Variants in GALNT13 observed in about 807,000 individuals in gnomAD.
GALNT13 encodes UDP-GalNAc:polypeptide N-acetylgalactosaminyltransferase 13.
A neutral mutation model predicts 64.2 loss-of-function variants in GALNT13; 28 were observed. That is an observed-to-expected ratio of 0.44 (90% CI 0.32 to 0.60). The LOEUF (loss-of-function observed/expected upper bound fraction) is 0.60, where lower values mean the gene tolerates loss of function less well. GALNT13 is among the 20% of genes least tolerant of loss of function. The pLI, the probability that GALNT13 is intolerant of heterozygous loss-of-function variation, is 0.05. For missense variants in GALNT13, 577 were observed against 669.8 expected (o/e 0.86, Z 1.53); for synonymous variants, 214 against 224.6 (o/e 0.95, Z 0.42).
At chr2:154,223,304 T>C (rs1302570389) in intron 4 of GALNT13, among the ~76,000 whole-genome samples, 5 of 152,106 alleles carry the variant, frequency 3.3e-5, no homozygotes, top group Non-Finnish European at 7.4e-5. Context: ...ATGTAAGAGA[T>C]AGCAGTAACA....
At chr2:153,438,087 C>T in the GALNT13 span, among the ~76,000 whole-genome samples, 853 of 152,210 alleles carry the variant, frequency 5.6e-3, 4 homozygotes, top group Middle Eastern at 0.027. Context: ...ACTTATGAAG[C>T]TTAGTTTGGC....
At chr2:153,532,741 GA>G in the GALNT13 span, among the ~76,000 whole-genome samples, 1 of 152,160 alleles carries the variant, frequency 6.6e-6, no homozygotes, top group Non-Finnish European at 1.5e-5. Context: ...TTTGTGCTTA[GA>G]AATTTCTTCC....
At chr2:153,424,551 A>C in the GALNT13 span, among the ~76,000 whole-genome samples, 1 of 151,914 alleles carries the variant, frequency 6.6e-6, no homozygotes, top group Non-Finnish European at 1.5e-5. Flanking sequence ...AAGGATATAC[A>C]AACTAAAACT....
the GALNT13 span, among the ~76,000 whole-genome samples, chr2:153,689,358 A>G: frequency 3.9e-5 from 6 of 151,980 alleles, no homozygotes; most frequent in South Asian, 1.2e-3. Flanking sequence ...GTCCTTTTAC[A>G]TATTATCTAT....
At chr2:153,936,021 A>AGAGACTCATTATACCTCCG (rs1690888689) in intron 2 of GALNT13, among the ~76,000 whole-genome samples, 1 of 152,226 alleles carries the variant, frequency 6.6e-6, no homozygotes, top group Non-Finnish European at 1.5e-5. Context: ...CAAAATATAC[A>AGAGACTCATTATACCTCCG]GAGACTCATT....
the GALNT13 span, among the ~76,000 whole-genome samples, chr2:153,294,283 C>T: frequency 2.0e-5 from 3 of 152,082 alleles, no homozygotes; most frequent in Non-Finnish European, 4.4e-5. Flanking sequence ...CTCAGGTTCC[C>T]AGGAGTCACC....
At chr2:153,318,122 G>T in the GALNT13 span, among the ~76,000 whole-genome samples, 15 of 144,870 alleles carry the variant, frequency 1.0e-4, no homozygotes, top group African/African-American at 3.0e-4. Context: ...TATTAGGAGA[G>T]TTTTTTTTTT....
the GALNT13 span, among the ~76,000 whole-genome samples, chr2:153,712,722 T>C: frequency 2.6e-5 from 4 of 152,142 alleles, no homozygotes; most frequent in Non-Finnish European, 5.9e-5. Context: ...GAAATGATCT[T>C]TTTAAGTGTA....
intron 4 of GALNT13, among the ~76,000 whole-genome samples, chr2:154,151,630 T>C (rs1684032968): frequency 6.6e-6 from 1 of 152,198 alleles, no homozygotes; most frequent in Non-Finnish European, 1.5e-5. Flanking sequence ...TGGGTGCATA[T>C]ATATTTAGGA....
intron 3 of GALNT13, among the ~76,000 whole-genome samples, chr2:154,097,763 C>T (rs542942640): frequency 2.6e-5 from 4 of 152,042 alleles, no homozygotes; most frequent in Non-Finnish European, 4.4e-5. Context: ...CCTTAAGAAA[C>T]GTCCATTACT....
intron 9 of GALNT13, among the ~76,000 whole-genome samples, chr2:154,344,632 A>C (rs1327644064): frequency 6.6e-6 from 1 of 151,982 alleles, no homozygotes; most frequent in East Asian, 1.9e-4. Context: ...GAAATTGTGG[A>C]GAAACAAGAC....
the GALNT13 span, among the ~76,000 whole-genome samples, chr2:153,431,356 C>T: frequency 3.9e-5 from 6 of 151,974 alleles, no homozygotes; most frequent in African/African-American, 1.2e-4. Context: ...TAGAGGTGAT[C>T]GTGAGGCATG....
chr2:153,732,075 A>G, the GALNT13 span, among the ~76,000 whole-genome samples: 17 of 152,012 alleles, frequency 1.1e-4, 1 homozygote, highest in South Asian at 6.2e-4. Context: ...TACAGGAGAC[A>G]TACAATGAGT....
At chr2:153,238,803 C>T in the GALNT13 span, among the ~76,000 whole-genome samples, 9,260 of 152,108 alleles carry the variant, frequency 0.061, 362 homozygotes, top group South Asian at 0.097. Flanking sequence ...TCATTTTGCT[C>T]AGAATGCTTT....
At chr2:153,945,761 T>A (rs1031285780) in intron 3 of GALNT13, among the ~76,000 whole-genome samples, 1 of 152,152 alleles carries the variant, frequency 6.6e-6, no homozygotes, top group Admixed American at 6.6e-5. Context: ...GAGTTTGCTT[T>A]AGATTGCAAA....
the GALNT13 span, among the ~76,000 whole-genome samples, chr2:153,507,501 T>A: frequency 6.6e-6 from 1 of 152,042 alleles, no homozygotes; most frequent in Admixed American, 6.5e-5. Context: ...GGATGGTCTC[T>A]ATCTCCTGAT....
At chr2:153,684,068 TAA>T in the GALNT13 span, among the ~76,000 whole-genome samples, 1 of 77,214 alleles carries the variant, frequency 1.3e-5, no homozygotes, top group Admixed American at 1.4e-4. Flanking sequence ...CTCTTCATAA[TAA>T]TATATATATA....
the GALNT13 span, among the ~76,000 whole-genome samples, chr2:153,304,516 G>T: frequency 6.6e-5 from 10 of 152,098 alleles, no homozygotes; most frequent in African/African-American, 2.4e-4. Context: ...GTATAAATAG[G>T]ACTCCCTCAC....
rs145065979 is a variant in GALNT13 at position 154,434,738 on chromosome 2, C to T, written c.1396-3854C>T. On this transcript the variant is annotated intron_variant, in intron 11 of 12. Coordinates refer to ENST00000392825, the MANE Select transcript of GALNT13 (RefSeq NM_052917.4). ...GCTCATAATTTTACAGTTGAGACAA[C>T]ATGAACATTAAGTGTGAAACAGAAT... is the stretch of plus-strand genomic sequence containing the variant. Among the ~76,000 whole-genome samples the T allele has an allele frequency of 9.4e-4, 143 of 151,932 alleles. 3 individuals are homozygous for T. Among genetic ancestry groups the T allele is most frequent in the Non-Finnish European group, 1.5e-4 (10 of 67,968 alleles).
Sources: allele counts gnomAD v4.1 joint callset (sites outside exome capture counted in the v4.1 genomes callset), GRCh38; gene constraint gnomAD v4.1.1; transcripts MANE v1.5; gene names NCBI Gene and HGNC (gene_info 2026-07-23, HGNC 2026-07-21).